TLE1: variants seen among roughly 807,000 people sequenced by gnomAD.
The protein encoded by TLE1 is transducin-like enhancer protein 1.
In TLE1, 21 loss-of-function variants were observed where a neutral mutation model predicts 89.8. The ratio of observed to expected loss-of-function variants is 0.23; its 90% CI spans 0.17 to 0.34. The LOEUF is 0.34. TLE1 is among the 10% of genes least tolerant of loss of function. The pLI is 1.00. For missense variants in TLE1, 795 were observed against 1,031.2 expected (o/e 0.77, Z 3.14); for synonymous variants, 447 against 407.6 (o/e 1.10, Z -1.16).
At chr9:81,613,208 C>A (rs1354895498) in intron 12 of TLE1, among the ~76,000 whole-genome samples, 169 bp downstream of exon 12, 1 of 152,212 alleles carries the variant, frequency 6.6e-6, no homozygotes, top group Non-Finnish European at 1.5e-5. Context: ...CTGCTGAAAC[C>A]CCAGGACAAA....
chr9:81,648,054 C>T (rs542154221), intron 6 of TLE1, among the ~76,000 whole-genome samples: 9 of 152,088 alleles, frequency 5.9e-5, no homozygotes, highest in South Asian at 4.2e-4. Flanking sequence ...GGTGGATCAC[C>T]TAAGTTTGGG....
At chr9:81,597,019 C>G (rs532180702) in intron 14 of TLE1, among the ~76,000 whole-genome samples, 2 of 152,314 alleles carry the variant, frequency 1.3e-5, no homozygotes, top group South Asian at 4.1e-4. Context: ...ACAGGCAAAT[C>G]AAGTGCCCAA....
At chr9:81,671,135 T>C (rs1362016889) in intron 4 of TLE1, among the ~76,000 whole-genome samples, 4 of 152,100 alleles carry the variant, frequency 2.6e-5, no homozygotes, top group Non-Finnish European at 4.4e-5. Context: ...GCCACTGCAC[T>C]GCAGCCTGGG....
At chr9:81,631,279 T>C (rs1016441936) in intron 8 of TLE1, among the ~76,000 whole-genome samples, 10 of 152,230 alleles carry the variant, frequency 6.6e-5, no homozygotes, top group Admixed American at 3.3e-4. Context: ...GCATATATTT[T>C]TCTGTCAAAA....
At chr9:81,651,912 G>C (rs192958976) in intron 6 of TLE1, among the ~76,000 whole-genome samples, 18 of 152,084 alleles carry the variant, frequency 1.2e-4, no homozygotes, top group African/African-American at 4.1e-4. Flanking sequence ...TGAGTTCCAG[G>C]CCAGAGTAGG....
chr9:81,591,626 C>G (rs1029697408), intron 15 of TLE1, among the ~76,000 whole-genome samples: 9 of 152,144 alleles, frequency 5.9e-5, no homozygotes, highest in African/African-American at 2.2e-4. Context: ...GGGGGGCCCT[C>G]ATATGATCAA....
intron 4 of TLE1, among the ~76,000 whole-genome samples, chr9:81,668,212 G>A (rs1267422840): frequency 3.9e-5 from 6 of 152,070 alleles, no homozygotes; most frequent in African/African-American, 1.4e-4. Flanking sequence ...TGGAAGTTGT[G>A]GTGGGCAAGG....
chr9:81,613,319 C>A, intron 12 of TLE1, 58 bp downstream of exon 12: 2 of 1,592,086 alleles, frequency 1.3e-6, no homozygotes, highest in Admixed American at 1.8e-5. Context: ...TAACAGACAA[C>A]AAATCAAGCT....
chr9:81,586,345 CAG>C (rs1449715650), intron 17 of TLE1, among the ~76,000 whole-genome samples: 1 of 152,232 alleles, frequency 6.6e-6, no homozygotes, highest in African/African-American at 2.4e-5. Flanking sequence ...GTGTGAACTT[CAG>C]AGAGTGCACT....
Position 81,634,240 on chromosome 9 carries a change from G to C in TLE1, c.434C>G (p.Pro145Arg). 2 of 1,583,340 alleles carry C rather than the reference G, an allele frequency of 1.3e-6. No homozygotes were observed. Among genetic ancestry groups the C allele is most frequent in the Non-Finnish European group, 1.7e-6 (2 of 1,162,332 alleles). Residue 145 changes from proline (P) to arginine (R), a missense_variant, in exon 7 of 20, where the codon CCT becomes CGT. Coordinates refer to ENST00000376499, the MANE Select transcript of TLE1 (RefSeq NM_005077.5). ...HGHGPPVPLT[P>R]HPSGLQPPGI... ...AGGAGGCTGAAGTCCCGAAGGGTGA[G>C]GCGTAAGGGGAACTGGGGGTCCGTG...
chr9:81,657,904 A>ATTTT (rs34624864), intron 4 of TLE1, among the ~76,000 whole-genome samples: 28 of 134,010 alleles, frequency 2.1e-4, no homozygotes, highest in African/African-American at 7.1e-4. Context: ...TACAGACATA[A>ATTTT]TTTTTTTTTT....
At chr9:81,683,450 GAT>G (rs1833872236) in intron 4 of TLE1, among the ~76,000 whole-genome samples, 1 of 152,044 alleles carries the variant, frequency 6.6e-6, no homozygotes, top group Non-Finnish European at 1.5e-5. Context: ...CCATGCTGGT[GAT>G]CAGGCGGCAA....
intron 18 of TLE1, 99 bp downstream of exon 18, chr9:81,585,406 G>T: frequency 6.9e-7 from 1 of 1,451,788 alleles, no homozygotes. Flanking sequence ...GCTGCTCGGA[G>T]AACATTTTTT....
At chr9:81,650,100 G>C (rs940791998) in intron 6 of TLE1, among the ~76,000 whole-genome samples, 1 of 152,202 alleles carries the variant, frequency 6.6e-6, no homozygotes, top group African/African-American at 2.4e-5. Flanking sequence ...AAGGCATCCA[G>C]AGCTAACCTG....
rs7044493 is a variant in TLE1, at chr9:81,628,957, T to C, written c.594+4391A>G. 9.3e-3 allele frequency among the ~76,000 whole-genome samples: 1,413 copies of C among 152,272 alleles called. 19 individuals are homozygous for C. Among genetic ancestry groups the C allele is most frequent in the African/African-American group, 0.032 (1,347 of 41,550 alleles). On this transcript the variant is annotated intron_variant, in intron 8 of 19. Coordinates refer to ENST00000376499, the MANE Select transcript of TLE1 (RefSeq NM_005077.5). ...CACCCAGTCCATCCATGAATGCCAC[T>C]GCGTAGGTCTATACACCGTCTGCTC...
intron 14 of TLE1, among the ~76,000 whole-genome samples, chr9:81,608,757 T>C (rs952522124): frequency 6.6e-6 from 1 of 151,838 alleles, no homozygotes; most frequent in African/African-American, 2.4e-5. Flanking sequence ...ACCAATATGA[T>C]GAAACCCCAT....
At chr9:81,641,355 A>G (rs1467474340) in intron 6 of TLE1, among the ~76,000 whole-genome samples, 1 of 152,136 alleles carries the variant, frequency 6.6e-6, no homozygotes, top group African/African-American at 2.4e-5. Context: ...CTCTCACGTA[A>G]AGAGGGGCAA....
chr9:81,640,449 A>G (rs1300875641), intron 6 of TLE1, among the ~76,000 whole-genome samples: 2 of 152,128 alleles, frequency 1.3e-5, no homozygotes, highest in African/African-American at 4.8e-5. Context: ...AAAGGACTAC[A>G]CTGGGAAATT....
At chr9:81,600,958 C>T (rs191838250) in intron 14 of TLE1, among the ~76,000 whole-genome samples, 5 of 152,180 alleles carry the variant, frequency 3.3e-5, no homozygotes, top group Non-Finnish European at 5.9e-5. Flanking sequence ...AGTAGAACTG[C>T]GCCAGCTTTC....
Sources: allele counts gnomAD v4.1 joint callset (sites outside exome capture counted in the v4.1 genomes callset), GRCh38; gene constraint gnomAD v4.1.1; transcripts MANE v1.5; gene names NCBI Gene and HGNC (gene_info 2026-07-23, HGNC 2026-07-21).